ATAD2: variants seen among roughly 807,000 people sequenced by gnomAD.
ATAD2 encodes the protein ATPase family AAA domain-containing protein 2.
Under a neutral mutation model 168.9 loss-of-function variants are expected in ATAD2, and 62 were observed. The ratio of observed to expected loss-of-function variants is 0.37; its 90% CI spans 0.30 to 0.45. The LOEUF is 0.45. Among genes scored for constraint, ATAD2 ranks in the 20% least tolerant of loss-of-function variants. The pLI is 1.00. For missense variants in ATAD2, 1,419 were observed against 1,667.8 expected (o/e 0.85, Z 2.60); for synonymous variants, 613 against 571.6 (o/e 1.07, Z -1.03).
At chr8:123,371,081 TATTTACAGCC>T in intron 5 of ATAD2, 91 bp from the exon 6 acceptor site, 1 of 1,164,654 alleles carries the variant, frequency 8.6e-7, no homozygotes. Context: ...AAAATTAAGA[TATTTACAGCC>T]ATAAACTCTT....
At chr8:123,363,200 C>T (rs183131052) in intron 8 of ATAD2, among the ~76,000 whole-genome samples, 7 of 152,248 alleles carry the variant, frequency 4.6e-5, no homozygotes, top group East Asian at 3.9e-4. Context: ...GTTCCAGAAA[C>T]GTGTATCAAA....
intron 1 of ATAD2, among the ~76,000 whole-genome samples, chr8:123,382,618 T>A (rs1354408352): frequency 1.3e-5 from 2 of 152,150 alleles, no homozygotes; most frequent in Non-Finnish European, 2.9e-5. Context: ...TTCTCCATTT[T>A]AAAAAAGAAA....
At chr8:123,383,800 TAGGCC>T (rs1829566151) in intron 1 of ATAD2, among the ~76,000 whole-genome samples, 1 of 148,166 alleles carries the variant, frequency 6.7e-6, no homozygotes, top group African/African-American at 2.5e-5. Flanking sequence ...ACTGAATGAC[TAGGCC>T]AGGCGTGGTA....
chr8:123,364,487 G>A (rs1019389283), intron 8 of ATAD2, among the ~76,000 whole-genome samples: 1 of 152,012 alleles, frequency 6.6e-6, no homozygotes, highest in African/African-American at 2.4e-5. Context: ...GAAAACTATA[G>A]ACCAACATCC....
At chr8:123,386,519 C>T (rs1198991039) in intron 1 of ATAD2, among the ~76,000 whole-genome samples, 1 of 151,934 alleles carries the variant, frequency 6.6e-6, no homozygotes, top group Non-Finnish European at 1.5e-5. Flanking sequence ...GAGAGAGGAA[C>T]TGGGAGTAAG....
At chr8:123,384,777 G>C (rs186730458) in intron 1 of ATAD2, among the ~76,000 whole-genome samples, 1 of 152,202 alleles carries the variant, frequency 6.6e-6, no homozygotes, top group Non-Finnish European at 1.5e-5. Flanking sequence ...ACGATACAAA[G>C]ATTAGCGAAA....
At chr8:123,351,953 T>A (rs1828479322) in intron 13 of ATAD2, among the ~76,000 whole-genome samples, 1 of 152,138 alleles carries the variant, frequency 6.6e-6, no homozygotes, top group Non-Finnish European at 1.5e-5. Flanking sequence ...TTTCACCGTG[T>A]TAGCCAGGAT....
chr8:123,392,499 A>T (rs1015785332), intron 1 of ATAD2, among the ~76,000 whole-genome samples: 2 of 145,858 alleles, frequency 1.4e-5, no homozygotes, highest in African/African-American at 2.5e-5. Flanking sequence ...GTTTTCTCAT[A>T]AAAAAAAAAT....
In ATAD2 at chr8:123,333,960, A is replaced by G. The variant is rs772787907; in HGVS notation, c.3396T>C (p.Thr1132=). The change falls in exon 24 of 28, where the codon ACT becomes ACC. Residue 1132 remains threonine (T), a synonymous_variant. Transcript: ENST00000287394. ...GGTCTGATCTTTTATCACCAACAAG[A>G]GTGGAATTTTGCTTTGGCATCACAT... is the stretch of plus-strand genomic sequence containing the variant. ...YYHVMPKQNS[T]LVGDKRSDPE... is the part of the protein sequence containing the mutation. 1 of 1,614,160 alleles carries G rather than the reference A, an allele frequency of 6.2e-7. No homozygotes were observed. Among genetic ancestry groups the G allele is most frequent in the African/African-American group, 1.3e-5 (1 of 75,050 alleles).
chr8:123,359,708 AC>A (rs745313067), intron 9 of ATAD2, 23 bp from the exon 10 acceptor site: 2 of 1,523,264 alleles, frequency 1.3e-6, no homozygotes, highest in South Asian at 2.3e-5. Context: ...ATTTTTTAAA[AC>A]CACACAAACC....
At chr8:123,347,906 G>A (rs561910352) in intron 15 of ATAD2, 103 of 400,176 alleles carry the variant, frequency 2.6e-4, no homozygotes, top group African/African-American at 2.0e-3. Context: ...ATTGTATTTT[G>A]TACAATTATA....
intron 13 of ATAD2, among the ~76,000 whole-genome samples, chr8:123,354,868 T>A (rs143290486): frequency 0.11 from 7,896 of 69,220 alleles, 803 homozygotes; most frequent in Non-Finnish European, 0.14. Context: ...AAAAAAAATA[T>A]ATATATATAT....
intron 27 of ATAD2, among the ~76,000 whole-genome samples, chr8:123,322,095 C>CT (rs1197465328): frequency 6.7e-6 from 1 of 150,110 alleles, no homozygotes; most frequent in Non-Finnish European, 1.5e-5. Context: ...TCAAGTGATT[C>CT]TCATGCCTCA....
intron 19 of ATAD2, among the ~76,000 whole-genome samples, chr8:123,340,193 A>C (rs1423438776): frequency 6.6e-6 from 1 of 152,174 alleles, no homozygotes; most frequent in East Asian, 1.9e-4. Flanking sequence ...CCTGGTCCTG[A>C]TACTTAAAAG....
Position 123,346,249 on chromosome 8 carries a change from G to A in ATAD2, c.2369C>T (p.Ser790Phe). Residue 790 changes from serine to phenylalanine, a missense_variant, in exon 18 of 28, where the codon TCT becomes TTT. Ser to Phe is a radical substitution (Grantham distance 155, BLOSUM62 -2). This residue lies in a region of ATAD2 where 545 missense variants were observed against 724.9 expected (regional missense o/e 0.75). Coordinates refer to ENST00000287394, the MANE Select transcript of ATAD2 (RefSeq NM_014109.4). The stretch of plus-strand genomic sequence containing the variant: ...TACTATCAATATTCTTGGTCGAAAA[G>A]ACATAGGTTGGTAACAAGCATTTCT... ...LNRNACYQPMSFRPRILIVGE... is the reference protein window; with the variant it reads ...LNRNACYQPMFFRPRILIVGE... 6.2e-7 allele frequency: 1 copy of A among 1,601,848 alleles called. No homozygotes were observed. The highest frequency in any genetic ancestry group is 8.5e-7 in the Non-Finnish European group (1 of 1,176,546).
At chr8:123,400,969 G>C, upstream of ATAD2, 1 of 1,428,544 alleles carries the variant, frequency 7.0e-7, no homozygotes, top group Non-Finnish European at 9.8e-7. The surrounding 1 kb of genome is among the most constrained non-coding windows in gnomAD (Gnocchi z 4.5). Context: ...TGATGTGCTG[G>C]AGGCCACGAT....
intron 2 of ATAD2, among the ~76,000 whole-genome samples, chr8:123,373,228 G>C (rs1490172936): frequency 6.6e-6 from 1 of 151,420 alleles, no homozygotes; most frequent in Non-Finnish European, 1.5e-5. Context: ...GATGGGGCGG[G>C]GGGGGTCTCG....
chr8:123,407,350 T>G (rs535904165), intron 1 of ATAD2, among the ~76,000 whole-genome samples: 225 of 152,356 alleles, frequency 1.5e-3, no homozygotes, highest in African/African-American at 5.2e-3. Context: ...GGGATTGGTC[T>G]TCTCTTGGTG....
chr8:123,387,327 A>C (rs1194422834), intron 1 of ATAD2, among the ~76,000 whole-genome samples: 1 of 152,086 alleles, frequency 6.6e-6, no homozygotes, highest in Non-Finnish European at 1.5e-5. Context: ...ATTTTTTCTG[A>C]TGTTATAAAT....
Sources: allele counts gnomAD v4.1 joint callset (sites outside exome capture counted in the v4.1 genomes callset), GRCh38; gene constraint gnomAD v4.1.1; regional missense constraint gnomAD v4.1.1; non-coding constraint Gnocchi (gnomAD v3.1); transcripts MANE v1.5; gene names NCBI Gene and HGNC (gene_info 2026-07-23, HGNC 2026-07-21).